The following GAD1 variants were observed in gnomAD, a reference collection of about 807,000 sequenced individuals.
GAD1 encodes the protein 67 kDa glutamic acid decarboxylase.
In GAD1, 35 loss-of-function variants were observed where a neutral mutation model predicts 75.2. That is an observed-to-expected ratio of 0.47 (90% confidence interval 0.36 to 0.62). The LOEUF is 0.62. Among genes scored for constraint, GAD1 ranks in the 20% least tolerant of loss-of-function variants. The pLI, the probability that GAD1 is intolerant of heterozygous loss-of-function variation, is 0.00. For synonymous variants in GAD1, 257 were observed against 271.9 expected (o/e 0.95, Z 0.54); for missense variants, 490 against 758.5 (o/e 0.65, Z 4.16).
At chr2:170,840,569 A>T (rs1228108914) in intron 6 of GAD1, among the ~76,000 whole-genome samples, 1 of 147,344 alleles carries the variant, frequency 6.8e-6, no homozygotes, top group African/African-American at 2.5e-5. Flanking sequence ...TGGCTGCTGG[A>T]GCTCCAGCCA....
intron 6 of GAD1, among the ~76,000 whole-genome samples, chr2:170,838,207 G>A (rs541786617): frequency 6.6e-6 from 1 of 152,314 alleles, no homozygotes; most frequent in East Asian, 1.9e-4. Context: ...CTGCTTGCAG[G>A]TCATGGTTAG....
intron 12 of GAD1, among the ~76,000 whole-genome samples, chr2:170,851,404 CT>C (rs749101843): frequency 3.9e-5 from 6 of 152,202 alleles, no homozygotes; most frequent in Non-Finnish European, 5.9e-5. Context: ...ACTTAGTTAA[CT>C]TTCCTTGGAA....
At chr2:170,832,662 GCGCACA>G (rs57433938) in intron 5 of GAD1, among the ~76,000 whole-genome samples, 36,252 of 128,186 alleles carry the variant, frequency 0.28, 4,629 homozygotes, top group East Asian at 0.38. Context: ...GCGCGCGCGC[GCGCACA>G]CACACACACA....
At chr2:170,840,645 G>GGAGGCAGGGA (rs1553578748) in intron 6 of GAD1, among the ~76,000 whole-genome samples, 1 of 117,370 alleles carries the variant, frequency 8.5e-6, no homozygotes, top group Admixed American at 8.6e-5. Flanking sequence ...GGGAGGAAAG[G>GGAGGCAGGGA]AGGGAGGTAG....
chr2:170,852,658 A>G (rs1049879759), intron 12 of GAD1, 56 bp from the exon 13 acceptor site: 4 of 1,446,954 alleles, frequency 2.8e-6, no homozygotes, highest in Non-Finnish European at 3.9e-6. Context: ...CCTCAAGAGA[A>G]CAGTTGCGTC....
chr2:170,829,251 T>G, intron 3 of GAD1: 1 of 580,476 alleles, frequency 1.7e-6, no homozygotes, highest in Non-Finnish European at 3.1e-6. Flanking sequence ...TTACTGTTTT[T>G]CTCTCTTGCA....
chr2:170,849,872 CTCT>C (rs1443749211), intron 12 of GAD1, among the ~76,000 whole-genome samples: 1 of 152,226 alleles, frequency 6.6e-6, no homozygotes, highest in East Asian at 1.9e-4. Context: ...GTTCACTTTC[CTCT>C]TCTTCCTCAT....
At chr2:170,842,663 A>G in intron 6 of GAD1, 1 of 1,613,978 alleles carries the variant, frequency 6.2e-7, no homozygotes, top group Non-Finnish European at 8.5e-7. Context: ...TGGTAACTGC[A>G]CACATGGTTT....
Position 170,839,271 on chromosome 2 carries a change from T to G in GAD1, c.638+2388T>G, listed in dbSNP as rs557689220. On this transcript the variant is annotated intron_variant, in intron 6 of 16. Coordinates refer to ENST00000358196, the MANE Select transcript of GAD1 (RefSeq NM_000817.3). ...AGTCATAGCCTCTTAAAAAGAACGATCCAATAACCTGACACAGGTGCAAAG... is the reference window on the plus strand; with the variant it reads ...AGTCATAGCCTCTTAAAAAGAACGAGCCAATAACCTGACACAGGTGCAAAG... 5.9e-5 allele frequency among the ~76,000 whole-genome samples: 9 copies of G among 152,246 alleles called. No homozygotes were observed. In the South Asian group the frequency reaches 1.2e-3, roughly 21 times the overall value.
intron 12 of GAD1, among the ~76,000 whole-genome samples, chr2:170,852,259 A>G (rs1031199770): frequency 2.0e-5 from 3 of 152,176 alleles, no homozygotes; most frequent in African/African-American, 7.2e-5. Flanking sequence ...CACTCTTATA[A>G]GCATTTTATA....
At chr2:170,817,225 A>ACCACC (rs1701723089) in intron 1 of GAD1, 177 bp downstream of exon 1, 1 of 15,484 alleles carries the variant, frequency 6.5e-5, no homozygotes, top group African/African-American at 1.6e-4. Flanking sequence ...CTGCGCAGGG[A>ACCACC]CCCCCCCCCC....
rs746939607 is a variant in GAD1 at position 170,831,203 on chromosome 2, G to A, written c.547+11G>A. On this transcript the variant is annotated intron_variant, in intron 5 of 16. Transcript: ENST00000358196. ...ATGGGGTTCGCACAGGTAAGGAGGA[G>A]AGTTGGGTAGACAGGTAGTGGCAAC... The A allele has an allele frequency of 1.9e-6, 3 of 1,614,048 alleles. No homozygotes were observed. Among genetic ancestry groups the A allele is most frequent in the South Asian group, 2.2e-5 (2 of 91,070 alleles).
At chr2:170,820,571 C>G (rs1701847548) in intron 2 of GAD1, among the ~76,000 whole-genome samples, 1 of 152,246 alleles carries the variant, frequency 6.6e-6, no homozygotes, top group African/African-American at 2.4e-5. Flanking sequence ...GGCGTTAGTG[C>G]AGGCAACCTA....
intron 2 of GAD1, 82 bp from the exon 3 acceptor site, chr2:170,822,005 C>A: frequency 8.3e-7 from 1 of 1,206,580 alleles, no homozygotes; most frequent in African/African-American, 1.5e-5. Flanking sequence ...TCATCCTCCC[C>A]CAAGAAAACC....
chr2:170,860,025 T>G lies in GAD1; in HGVS notation c.*143T>G. 2 of 835,340 alleles carry G rather than the reference T, an allele frequency of 2.4e-6. No individual in the cohort carries two copies. Among genetic ancestry groups the G allele is most frequent in the Non-Finnish European group, 3.9e-6 (2 of 515,006 alleles). 51.7% of individuals were successfully genotyped at this position (835,340 alleles called of 1,614,324 possible). A position where few individuals can be genotyped will look rare whatever the true frequency, so the allele number is the denominator to read the frequency against. ...TGAAGAATATTGTTAAAACCTTACT[T>G]AAAGCTTGTTTGTTCTAGTTAGCAG... On this transcript the variant is annotated 3_prime_UTR_variant, in exon 17 of 17. Transcript: ENST00000358196.
intron 7 of GAD1, 105 bp from the exon 8 acceptor site, chr2:170,845,401 C>G (rs553871848): frequency 1.0e-6 from 1 of 967,870 alleles, no homozygotes; most frequent in Non-Finnish European, 1.7e-6. Context: ...ATTATCCTTT[C>G]GCTTCCTGAC....
intron 5 of GAD1, among the ~76,000 whole-genome samples, chr2:170,831,608 G>GTGTGTGTC (rs1394902242): frequency 7.0e-6 from 1 of 143,642 alleles, no homozygotes; most frequent in Non-Finnish European, 1.5e-5. Context: ...GTGTGTGTGT[G>GTGTGTGTC]TGTGTGTGTG....
At chr2:170,843,128 T>C (rs1449014184) in intron 6 of GAD1, among the ~76,000 whole-genome samples, 1 of 152,174 alleles carries the variant, frequency 6.6e-6, no homozygotes, top group Non-Finnish European at 1.5e-5. Flanking sequence ...TATCTTTTTG[T>C]TTTCTGGCTT....
intron 3 of GAD1, 50 bp downstream of exon 3, chr2:170,822,199 C>T (rs776195506): frequency 1.0e-5 from 15 of 1,503,662 alleles, no homozygotes; most frequent in Non-Finnish European, 1.4e-5. Flanking sequence ...GGCGGGCGGA[C>T]CTTTGGGGCT....
Sources: gnomAD v4.1 joint callset for allele counts (sites outside exome capture counted in the v4.1 genomes callset) on GRCh38, gnomAD v4.1.1 for gene constraint, MANE v1.5 for transcripts, NCBI Gene and HGNC (gene_info 2026-07-23, HGNC 2026-07-21) for gene names.